The following PPIL6 variants were observed in gnomAD, a reference collection of about 807,000 sequenced individuals.
The protein encoded by PPIL6 is probable inactive peptidyl-prolyl cis-trans isomerase-like 6.
In PPIL6, 39 loss-of-function variants were observed where a neutral mutation model predicts 36.8. That is an observed-to-expected ratio of 1.06 (90% CI 0.82 to 1.38). The LOEUF is 1.38. Ranked by LOEUF, PPIL6 falls within the 40% of genes most tolerant of loss-of-function variation. The pLI, the probability that PPIL6 is intolerant of heterozygous loss-of-function variation, is 0.00. For missense variants in PPIL6, 368 were observed against 379.1 expected, an observed-to-expected ratio of 0.97 and a Z score of 0.24; for synonymous variants, 123 against 134.1, an observed-to-expected ratio of 0.92 and a Z score of 0.57.
intron 5 of PPIL6, among the ~76,000 whole-genome samples, chr6:109,419,723 C>CA (rs981184987): frequency 1.9e-3 from 267 of 137,680 alleles, no homozygotes; most frequent in Admixed American, 3.1e-3. Context: ...AACTCCATTT[C>CA]AAAAAAAAAA....
rs1306998347 is a variant in PPIL6, at chr6:109,426,933, G to A, written c.545C>T (p.Ala182Val). The change falls in exon 5 of 8, where the codon GCA (alanine) becomes GTA (valine). Residue 182 changes from alanine (A) to valine (V), a missense_variant. Transcript: ENST00000521072. ...TCTTATGCCACGTTGAGAAAACCCT[G>A]CTTTTCCTGTGCACAAGACCTGAAA... Reference protein sequence around the residue: ...KNFQVLCTGKAGFSQRGIRLH... With the variant: ...KNFQVLCTGKVGFSQRGIRLH... 2.5e-6 allele frequency: 4 copies of A among 1,608,174 alleles called. No homozygotes were observed. Among genetic ancestry groups the A allele is most frequent in the South Asian group, 1.1e-5 (1 of 90,666 alleles).
At chr6:109,440,249 C>G in intron 1 of PPIL6, 1 of 672,930 alleles carries the variant, frequency 1.5e-6, no homozygotes, top group Non-Finnish European at 2.7e-6. Context: ...CCAAGTGGAA[C>G]GCCCGCCCCC....
chr6:109,428,061 CAAT>C (rs1382218526), intron 3 of PPIL6, among the ~76,000 whole-genome samples: 2 of 152,156 alleles, frequency 1.3e-5, no homozygotes, highest in Non-Finnish European at 2.9e-5. Context: ...AAGTTATATT[CAAT>C]AATACCCTCA....
chr6:109,432,297 A>G (rs906721890), intron 2 of PPIL6, among the ~76,000 whole-genome samples: 3 of 152,112 alleles, frequency 2.0e-5, no homozygotes, highest in African/African-American at 7.2e-5. Context: ...AGCAGTGAGG[A>G]AGAAAACTCA....
At chr6:109,436,329 A>G (rs1417824622) in intron 1 of PPIL6, 130 bp from the exon 2 acceptor site, 1 of 608,346 alleles carries the variant, frequency 1.6e-6, no homozygotes, top group Non-Finnish European at 2.9e-6. Flanking sequence ...TCCGACTGAG[A>G]TATTCCTTGC....
At chr6:109,424,420 C>G (rs17070590) in intron 5 of PPIL6, among the ~76,000 whole-genome samples, 10,394 of 152,164 alleles carry the variant, frequency 0.068, 419 homozygotes, top group South Asian at 0.14. Flanking sequence ...CTGGGTACAG[C>G]CTGTTAGTCC....
intron 1 of PPIL6, among the ~76,000 whole-genome samples, chr6:109,437,548 CTTTTTTTT>C (rs71551374): frequency 1.2e-4 from 12 of 97,934 alleles, no homozygotes; most frequent in African/African-American, 3.6e-4. Flanking sequence ...TATTTCTTTT[CTTTTTTTT>C]TTTTTTTTTT....
intron 5 of PPIL6, among the ~76,000 whole-genome samples, chr6:109,425,512 G>A (rs1331344984): frequency 1.3e-5 from 2 of 152,192 alleles, no homozygotes; most frequent in African/African-American, 4.8e-5. Flanking sequence ...ACTTTGGGAG[G>A]CTGAGGCGTG....
At chr6:109,441,128 C>T (rs1252750760), upstream of PPIL6, 1 of 1,614,168 alleles carries the variant, frequency 6.2e-7, no homozygotes, top group East Asian at 2.2e-5. Flanking sequence ...AACCATGAAG[C>T]CCAACTTCTC....
At chr6:109,428,180 T>C (rs12213697) in intron 3 of PPIL6, among the ~76,000 whole-genome samples, 3,007 of 152,236 alleles carry the variant, frequency 0.02, 104 homozygotes, top group Admixed American at 0.092. Flanking sequence ...AAAATGAAAA[T>C]GCTAGTTTCA....
intron 5 of PPIL6, among the ~76,000 whole-genome samples, chr6:109,422,821 T>C (rs1010945025): frequency 6.6e-6 from 1 of 152,236 alleles, no homozygotes; most frequent in African/African-American, 2.4e-5. Context: ...CTGAAGCATA[T>C]TAATTATTTG....
At chr6:109,421,181 C>G (rs1009328455) in intron 5 of PPIL6, among the ~76,000 whole-genome samples, 2 of 152,212 alleles carry the variant, frequency 1.3e-5, no homozygotes, top group African/African-American at 4.8e-5. Context: ...TCCTCTGCTT[C>G]AGATCTCCTA....
chr6:109,436,294 T>C, intron 1 of PPIL6, 95 bp from the exon 2 acceptor site: 1 of 738,116 alleles, frequency 1.4e-6, no homozygotes, highest in East Asian at 2.6e-5. Flanking sequence ...AGAAGTTTTA[T>C]ACAACACAAG....
At chr6:109,405,074 A>G in intron 6 of PPIL6, 1 of 398,024 alleles carries the variant, frequency 2.5e-6, no homozygotes. Flanking sequence ...AAAAAAAGAT[A>G]TCTTTTCATA....
At chr6:109,427,240 C>T (rs1773872546) in intron 3 of PPIL6, 84 bp from the exon 4 acceptor site, 10 of 842,034 alleles carry the variant, frequency 1.2e-5, no homozygotes, top group Admixed American at 2.5e-5. Context: ...ACAGCAGATA[C>T]AATATTTTTA....
At chr6:109,419,671 C>T (rs1043571472) in intron 5 of PPIL6, among the ~76,000 whole-genome samples, 1 of 151,070 alleles carries the variant, frequency 6.6e-6, no homozygotes, top group Non-Finnish European at 1.5e-5. Flanking sequence ...TGCGGTGAGC[C>T]GAGATTGCGC....
intron 1 of PPIL6, among the ~76,000 whole-genome samples, chr6:109,439,661 T>A (rs1774683619): frequency 6.6e-6 from 1 of 152,328 alleles, no homozygotes; most frequent in South Asian, 2.1e-4. Flanking sequence ...AACATTTTGT[T>A]GTCAAGTATC....
rs1475514232 is a variant in PPIL6, at chr6:109,440,553, C to T, written c.38G>A (p.Arg13Lys). 13 of 1,478,998 alleles carry T rather than the reference C, an allele frequency of 8.8e-6. No individual in the cohort carries two copies. Among genetic ancestry groups the T allele is most frequent in the South Asian group, 2.6e-5 (2 of 76,966 alleles). 91.6% of individuals were successfully genotyped at this position (1,478,998 alleles called of 1,614,324 possible). ...RPQPCGPPHA[R>K]CGSPSLPERP... ...CTCCGGCAGCGACGGCGAGCCGCACCTAGCGTGCGGGGGCCCGCACGGCTG... is the reference window on the plus strand; with the variant it reads ...CTCCGGCAGCGACGGCGAGCCGCACTTAGCGTGCGGGGGCCCGCACGGCTG... The change falls in exon 1 of 8, where the codon AGG becomes AAG. Residue 13 changes from arginine to lysine, a missense_variant. Coordinates refer to ENST00000521072, the MANE Select transcript of PPIL6 (RefSeq NM_173672.5).
intron 6 of PPIL6, among the ~76,000 whole-genome samples, chr6:109,403,651 T>C (rs1772658349): frequency 1.3e-5 from 2 of 152,162 alleles, no homozygotes; most frequent in South Asian, 2.1e-4. Context: ...AGCCTATTTA[T>C]TTAGGACTTT....
Sources: allele counts gnomAD v4.1 joint callset (sites outside exome capture counted in the v4.1 genomes callset), GRCh38; gene constraint gnomAD v4.1.1; transcripts MANE v1.5; gene names NCBI Gene and HGNC (gene_info 2026-07-23, HGNC 2026-07-21).